Variants in TANC1 observed in about 807,000 individuals in gnomAD.
The protein encoded by TANC1 is tetratricopeptide repeat, ankyrin repeat and coiled-coil containing 1, also known as protein TANC1.
In TANC1, 77 loss-of-function variants were observed where a neutral mutation model predicts 149.7. The ratio of observed to expected loss-of-function variants is 0.51; its 90% CI spans 0.43 to 0.62. TANC1 has a LOEUF of 0.62. Ranked by LOEUF, TANC1 falls within the 20% of genes least tolerant of loss-of-function variation. The pLI is 0.00. For missense variants in TANC1, 1,985 were observed against 2,321.8 expected, an observed-to-expected ratio of 0.85 and a Z score of 2.98; for synonymous variants, 854 against 925.0, an observed-to-expected ratio of 0.92 and a Z score of 1.39.
At chr2:159,171,685 C>T (rs1055206250) in intron 10 of TANC1, among the ~76,000 whole-genome samples, 3 of 151,712 alleles carry the variant, frequency 2.0e-5, no homozygotes, top group East Asian at 1.9e-4. Flanking sequence ...GGTAAAACCC[C>T]GTCTCTACTG....
At chr2:159,032,665 TCTTAA>T (rs2039879704) in intron 2 of TANC1, among the ~76,000 whole-genome samples, 2 of 152,124 alleles carry the variant, frequency 1.3e-5, no homozygotes, top group African/African-American at 4.8e-5. Flanking sequence ...CCCTCCATTC[TCTTAA>T]CTTACAACAG....
intron 14 of TANC1, among the ~76,000 whole-genome samples, chr2:159,182,507 ATC>A (rs2056594065): frequency 6.6e-6 from 1 of 152,202 alleles, no homozygotes; most frequent in South Asian, 2.1e-4. Flanking sequence ...GCATTCGATT[ATC>A]TCTCTTAATC....
At chr2:159,052,716 C>T (rs575548750) in intron 2 of TANC1, among the ~76,000 whole-genome samples, 6 of 152,326 alleles carry the variant, frequency 3.9e-5, no homozygotes, top group African/African-American at 1.4e-4. Context: ...TTGCTTCAAT[C>T]ATGAAAGTGG....
At chr2:159,072,574 G>A (rs1286263372) in intron 3 of TANC1, among the ~76,000 whole-genome samples, 1 of 152,130 alleles carries the variant, frequency 6.6e-6, no homozygotes, top group African/African-American at 2.4e-5. Flanking sequence ...TAGATATCCA[G>A]TACATCTTTT....
chr2:159,076,119 C>T (rs1371174812), intron 3 of TANC1, among the ~76,000 whole-genome samples: 1 of 152,154 alleles, frequency 6.6e-6, no homozygotes, highest in Non-Finnish European at 1.5e-5. Context: ...TTGTCTTTTT[C>T]ATGCCCTTGT....
In TANC1 at chr2:159,086,339, C is replaced by G. The variant is rs140626387; in HGVS notation, c.62-11298C>G. The stretch of plus-strand genomic sequence containing the variant: ...TAGGGTGAGGCACTAGATCTTGGAC[C>G]CTGCAGTGTCTGTAGGGTGAAGCTG... On this transcript the variant is annotated intron_variant, in intron 3 of 26. Transcript: ENST00000263635. Among the ~76,000 whole-genome samples, 506 of 151,956 alleles carry G rather than the reference C, an allele frequency of 3.3e-3. 6 individuals carry two copies. The highest frequency in any genetic ancestry group is 0.011 in the African/African-American group (466 of 41,418).
At chr2:158,992,669 A>ATTTTTTTTTTTTT (rs70994251) in intron 1 of TANC1, among the ~76,000 whole-genome samples, 69 of 112,508 alleles carry the variant, frequency 6.1e-4, no homozygotes, top group African/African-American at 1.1e-3. Flanking sequence ...TGCCCAGCTA[A>ATTTTTTTTTTTTT]TTTTTTTTTT....
chr2:159,024,580 G>T (rs191030423), intron 2 of TANC1, among the ~76,000 whole-genome samples: 1 of 151,934 alleles, frequency 6.6e-6, no homozygotes, highest in Admixed American at 6.6e-5. Flanking sequence ...GTGAAACCCC[G>T]TCTCTACTAA....
At chr2:159,071,050 G>A (rs747051527) in intron 3 of TANC1, among the ~76,000 whole-genome samples, 7 of 152,108 alleles carry the variant, frequency 4.6e-5, no homozygotes, top group Non-Finnish European at 1.0e-4. Flanking sequence ...GCATTAGGTG[G>A]TCAAGGCCTC....
At chr2:159,108,700 CTGT>C (rs1487277651) in intron 4 of TANC1, among the ~76,000 whole-genome samples, 1 of 152,184 alleles carries the variant, frequency 6.6e-6, no homozygotes, top group Admixed American at 6.5e-5. Flanking sequence ...GCGTCTGCGT[CTGT>C]TGGCAGGGGT....
intron 1 of TANC1, among the ~76,000 whole-genome samples, chr2:158,994,180 A>G (rs1486532744): frequency 6.6e-6 from 1 of 152,204 alleles, no homozygotes; most frequent in African/African-American, 2.4e-5. Flanking sequence ...GCAATTAACC[A>G]TAGAAGCAAG....
intron 4 of TANC1, among the ~76,000 whole-genome samples, chr2:159,106,031 G>T (rs933473721): frequency 6.6e-6 from 1 of 150,944 alleles, no homozygotes; most frequent in African/African-American, 2.4e-5. Flanking sequence ...GTTTTATGAC[G>T]CACAGAAGTT....
chr2:159,193,211 C>T (rs964624659), intron 16 of TANC1, among the ~76,000 whole-genome samples: 2 of 152,176 alleles, frequency 1.3e-5, no homozygotes, highest in African/African-American at 4.8e-5. Context: ...TAAGTAGTTT[C>T]ACTCAGTATT....
rs770212795 is a variant in TANC1 at position 159,219,273 on chromosome 2, G to C, written c.3414G>C (p.Val1138=). 29 of 1,614,072 alleles carry C rather than the reference G, an allele frequency of 1.8e-5. No homozygotes were observed. The African/African-American group carries it at 3.5e-4, about 19-fold the overall frequency. Reference sequence around the variant, plus strand: ...TGCTGTTGGAACGCGGCTGTGATGTGAACCTAAGTGACAAGCAAGGCCGGA... The same window carrying C: ...TGCTGTTGGAACGCGGCTGTGATGTCAACCTAAGTGACAAGCAAGGCCGGA... ...VRLLLERGCD[V]NLSDKQGRTP... Residue 1138 remains valine, a synonymous_variant, in exon 21 of 27, where the codon GTG becomes GTC. Transcript: ENST00000263635.
intron 2 of TANC1, among the ~76,000 whole-genome samples, chr2:159,007,409 G>C (rs2149358190): frequency 6.6e-6 from 1 of 152,292 alleles, no homozygotes; most frequent in South Asian, 2.1e-4. Flanking sequence ...GCCTCCCAAA[G>C]TGCTGGGATT....
intron 14 of TANC1, among the ~76,000 whole-genome samples, chr2:159,183,674 GC>G (rs1411443877): frequency 1.3e-5 from 2 of 152,112 alleles, no homozygotes; most frequent in African/African-American, 2.4e-5. Flanking sequence ...GGCTTAGGGG[GC>G]GGGTGGTTTT....
chr2:159,026,041 A>G (rs1459847050), intron 2 of TANC1, among the ~76,000 whole-genome samples: 1 of 152,196 alleles, frequency 6.6e-6, no homozygotes, highest in African/African-American at 2.4e-5. Flanking sequence ...TCAAGCGATC[A>G]TCTTGCCTCA....
At chr2:159,109,857 G>T (rs576235994) in intron 4 of TANC1, among the ~76,000 whole-genome samples, 2 of 152,274 alleles carry the variant, frequency 1.3e-5, no homozygotes, top group Admixed American at 1.3e-4. Flanking sequence ...GAGTGGTGAC[G>T]CTGGCAATTT....
intron 2 of TANC1, among the ~76,000 whole-genome samples, chr2:159,031,543 C>T (rs979514897): frequency 1.3e-5 from 2 of 152,130 alleles, no homozygotes; most frequent in African/African-American, 4.8e-5. Flanking sequence ...AAACAAATTC[C>T]TCAATTTTTC....
Sources: allele counts gnomAD v4.1 joint callset (sites outside exome capture counted in the v4.1 genomes callset), GRCh38; gene constraint gnomAD v4.1.1; transcripts MANE v1.5; gene names NCBI Gene and HGNC (gene_info 2026-07-23, HGNC 2026-07-21).